CAPN5: variants seen among roughly 807,000 people sequenced by gnomAD.
CAPN5 encodes calpain-5.
A neutral mutation model predicts 73.0 loss-of-function variants in CAPN5; 54 were observed. The observed-to-expected ratio is 0.74, with a 90% CI of 0.59 to 0.93. CAPN5 has a LOEUF of 0.93. Among genes scored for constraint, CAPN5 ranks in the 40% least tolerant of loss-of-function variants. CAPN5 has a pLI of 0.00. For missense variants in CAPN5, 785 were observed against 882.9 expected, an observed-to-expected ratio of 0.89 and a Z score of 1.41; for synonymous variants, 335 against 356.9, an observed-to-expected ratio of 0.94 and a Z score of 0.69.
intron 1 of CAPN5, among the ~76,000 whole-genome samples, chr11:77,079,400 G>A (rs137991789): frequency 7.9e-5 from 12 of 152,278 alleles, no homozygotes; most frequent in African/African-American, 2.6e-4. Flanking sequence ...ATAGAATCAT[G>A]TAATATTGCT....
At position 77,123,690 on chromosome 11, in the gene CAPN5, C is replaced by G. The variant is rs781975929; in HGVS notation, c.1743C>G (p.Val581=). ...CATGATCCTCTGTCTCTTCCCAGGT[C>G]TGGAACCACCGAGTGCTGAAGGATG... ...KKLSQPITVQ[V]WNHRVLKDEF... Residue 581 remains valine, a splice_region_variant and synonymous_variant, in exon 13 of 13, where the codon GTC becomes GTG. Transcript: ENST00000648180. 9 of 1,613,178 alleles carry G rather than the reference C, an allele frequency of 5.6e-6. No homozygotes were observed. Among genetic ancestry groups the G allele is most frequent in the South Asian group, 5.5e-5 (5 of 90,974 alleles).
intron 5 of CAPN5, among the ~76,000 whole-genome samples, chr11:77,114,956 G>A (rs1170337042): frequency 2.6e-5 from 4 of 152,016 alleles, no homozygotes; most frequent in Non-Finnish European, 5.9e-5. Context: ...CCAGCTACTC[G>A]GGAGGCTGAG....
At position 77,070,716 on chromosome 11, in the gene CAPN5, G is replaced by A. The variant is rs111938268; in HGVS notation, c.-36+3622G>A. Among the ~76,000 whole-genome samples the A allele has an allele frequency of 9.9e-3, 1,509 of 152,244 alleles. 22 individuals carry two copies. Among genetic ancestry groups the A allele is most frequent in the African/African-American group, 0.034 (1,421 of 41,540 alleles). ...CACAGATTTATGCTCTTACAGTTCC[G>A]GAGATGAGAAGTCCCCCATGAGTCT... is the stretch of plus-strand genomic sequence containing the variant. On this transcript the variant is annotated intron_variant, in intron 1 of 12. Transcript: ENST00000648180.
chr11:77,100,888 G>C (rs1029418720), intron 3 of CAPN5, among the ~76,000 whole-genome samples: 1 of 152,162 alleles, frequency 6.6e-6, no homozygotes, highest in African/African-American at 2.4e-5. Context: ...TTCACCTTCA[G>C]CCGCCTCAGT....
intron 3 of CAPN5, among the ~76,000 whole-genome samples, chr11:77,109,586 G>A (rs1003788464): frequency 2.6e-5 from 4 of 152,144 alleles, no homozygotes; most frequent in Admixed American, 2.6e-4. Flanking sequence ...CATGGCCCCG[G>A]GAGTCTGTGC....
intron 3 of CAPN5, among the ~76,000 whole-genome samples, chr11:77,107,992 T>C (rs1950369037): frequency 6.6e-6 from 1 of 152,182 alleles, no homozygotes; most frequent in African/African-American, 2.4e-5. Context: ...TTAGTTCTCA[T>C]AACAGCCCTG....
chr11:77,086,488 G>A (rs1950087413), intron 2 of CAPN5, among the ~76,000 whole-genome samples: 1 of 152,180 alleles, frequency 6.6e-6, no homozygotes, highest in Admixed American at 6.5e-5. Flanking sequence ...CTTGACCTCA[G>A]TCCCAAGAGC....
chr11:77,112,918 C>A, intron 4 of CAPN5, 121 bp downstream of exon 4: 1 of 944,016 alleles, frequency 1.1e-6, no homozygotes, highest in Non-Finnish European at 1.6e-6. Context: ...CTGGTGCAGG[C>A]ACGCAGCAGG....
chr11:77,090,485 G>T (rs1312420793), intron 2 of CAPN5, among the ~76,000 whole-genome samples: 6 of 152,194 alleles, frequency 3.9e-5, no homozygotes, highest in Non-Finnish European at 7.3e-5. Context: ...GGAGACCCTG[G>T]TTGGGAGCCC....
chr11:77,086,838 C>T (rs1471352113), intron 2 of CAPN5, among the ~76,000 whole-genome samples: 1 of 152,204 alleles, frequency 6.6e-6, no homozygotes, highest in Non-Finnish European at 1.5e-5. Flanking sequence ...GGGCTTGCTG[C>T]GGTGAGAGGA....
At chr11:77,091,246 C>T (rs936386449) in intron 2 of CAPN5, among the ~76,000 whole-genome samples, 2 of 152,202 alleles carry the variant, frequency 1.3e-5, no homozygotes, top group African/African-American at 4.8e-5. Context: ...GCTGGGATGA[C>T]CATTTATCTC....
chr11:77,074,862 C>T (rs1240507517), intron 1 of CAPN5, among the ~76,000 whole-genome samples: 1 of 152,202 alleles, frequency 6.6e-6, no homozygotes, highest in Non-Finnish European at 1.5e-5. Flanking sequence ...TTCCTGCATT[C>T]TCCCTTCACC....
At chr11:77,095,748 C>T (rs530284643) in intron 3 of CAPN5, among the ~76,000 whole-genome samples, 24 of 152,332 alleles carry the variant, frequency 1.6e-4, no homozygotes, top group South Asian at 1.2e-3. Flanking sequence ...CCTGGTGCAG[C>T]TCCACCTCTC....
chr11:77,096,664 T>C (rs1250775998), intron 3 of CAPN5, among the ~76,000 whole-genome samples: 1 of 152,260 alleles, frequency 6.6e-6, no homozygotes, highest in Non-Finnish European at 1.5e-5. Context: ...TGGCTGAACA[T>C]TTGCCATTGG....
At chr11:77,103,165 A>G in intron 3 of CAPN5, 1 of 1,613,826 alleles carries the variant, frequency 6.2e-7, no homozygotes, top group South Asian at 1.1e-5. Context: ...TTCTGGCGCA[A>G]GGAGGACTCG....
At chr11:77,119,257 C>G (rs1454434358) in intron 9 of CAPN5, 105 bp downstream of exon 9, 1 of 1,286,836 alleles carries the variant, frequency 7.8e-7, no homozygotes, top group East Asian at 2.6e-5. Flanking sequence ...TGGTCACTGC[C>G]GCTGCCCTGG....
chr11:77,069,684 GTC>G (rs1949882506), intron 1 of CAPN5, among the ~76,000 whole-genome samples: 1 of 152,234 alleles, frequency 6.6e-6, no homozygotes, highest in African/African-American at 2.4e-5. Flanking sequence ...GCTGGCAGCA[GTC>G]TCTCTGCAGC....
chr11:77,097,220 TC>T (rs1255367214), intron 3 of CAPN5, among the ~76,000 whole-genome samples: 7 of 151,028 alleles, frequency 4.6e-5, no homozygotes, highest in African/African-American at 1.2e-4. Context: ...AGACTCCATC[TC>T]AAAAAAAAAA....
intron 3 of CAPN5, chr11:77,103,063 C>T (rs782337375): frequency 1.9e-6 from 3 of 1,613,804 alleles, no homozygotes; most frequent in African/African-American, 1.3e-5. Flanking sequence ...CTGGACAAGC[C>T]GGGCAAGGTC....
Sources: gnomAD v4.1 joint callset for allele counts (sites outside exome capture counted in the v4.1 genomes callset) on GRCh38, gnomAD v4.1.1 for gene constraint, MANE v1.5 for transcripts, NCBI Gene and HGNC (gene_info 2026-07-23, HGNC 2026-07-21) for gene names.